The following LPA variants were observed in gnomAD, a reference collection of about 807,000 sequenced individuals.
The protein encoded by LPA is apolipoprotein(a).
In LPA, 199 loss-of-function variants were observed where a neutral mutation model predicts 197.9. The ratio of observed to expected loss-of-function variants is 1.01; its 90% CI spans 0.90 to 1.13. LPA has a LOEUF of 1.13. Among genes scored for constraint, LPA ranks in the 50% most tolerant of loss-of-function variants. LPA has a pLI of 0.00. For missense variants in LPA, 1,853 were observed against 1,785.8 expected, an observed-to-expected ratio of 1.04 and a Z score of -0.68; for synonymous variants, 715 against 639.5, an observed-to-expected ratio of 1.12 and a Z score of -1.78.
At chr6:160,557,331 T>A in intron 29 of LPA, 59 bp downstream of exon 29, 1 of 1,588,060 alleles carries the variant, frequency 6.3e-7, no homozygotes, top group Non-Finnish European at 8.6e-7. Flanking sequence ...CAGTCAGATT[T>A]TCCATCTCTT....
intron 30 of LPA, among the ~76,000 whole-genome samples, chr6:160,552,493 A>G (rs574824849): frequency 1.3e-5 from 2 of 152,326 alleles, no homozygotes; most frequent in South Asian, 2.1e-4. Flanking sequence ...TGGTTTTGAT[A>G]CTATTGTCAG....
At chr6:160,592,990 G>A (rs1414272337) in intron 22 of LPA, among the ~76,000 whole-genome samples, 1 of 151,970 alleles carries the variant, frequency 6.6e-6, no homozygotes, top group African/African-American at 2.4e-5. Flanking sequence ...TTCTTTCTTT[G>A]TGAAAACTCT....
rs766091375 is a variant in LPA at position 160,537,916 on chromosome 6, G to A, written c.5781C>T (p.Ser1927=). ...TDKVMPACLP[S]PDYMVTARTE... ...TCCTGGCGGTGACCATGTAGTCTGG[G>A]GATGGCAGACAAGCTGGCATTACTT... Residue 1927 remains serine (S), a synonymous_variant, in exon 37 of 39, where the codon TCC becomes TCT. Coordinates refer to ENST00000316300, the MANE Select transcript of LPA (RefSeq NM_005577.4). The A allele has an allele frequency of 6.2e-7, 1 of 1,614,238 alleles. No individual in the cohort carries two copies. The highest frequency in any genetic ancestry group is 1.7e-5 in the Admixed American group (1 of 60,030).
Position 160,605,051 on chromosome 6 carries a change from T to A in LPA, c.2940A>T (p.Pro980=), listed in dbSNP as rs778342323. Residue 980 remains proline (P), a synonymous_variant, in exon 18 of 39, where the codon CCA becomes CCT. Transcript: ENST00000316300. ...HSHSRTPAYY[P]NAGLIKNYCR... ...GGTAAAGAAAATAGACATACGCATT[T>A]GGGTAGTATGCTGGGGTCCGACTAT... The A allele has an allele frequency of 1.2e-6, 2 of 1,613,676 alleles. No individual in the cohort carries two copies. The highest frequency in any genetic ancestry group is 3.3e-5 in the Admixed American group (2 of 60,004).
At chr6:160,578,827 A>G (rs529800733) in intron 26 of LPA, 123 bp from the exon 27 acceptor site, 2 of 1,376,962 alleles carry the variant, frequency 1.5e-6, no homozygotes, top group Non-Finnish European at 2.0e-6. Flanking sequence ...CCATTATACC[A>G]CAATAATATT....
intron 2 of LPA, among the ~76,000 whole-genome samples, chr6:160,646,738 G>A (rs1328212242): frequency 7.1e-6 from 1 of 141,008 alleles, no homozygotes; most frequent in East Asian, 2.1e-4. Flanking sequence ...AACTGGTATG[G>A]GTTTTGACGT....
At chr6:160,546,676 T>C (rs1197582410) in intron 32 of LPA, among the ~76,000 whole-genome samples, 2 of 152,140 alleles carry the variant, frequency 1.3e-5, no homozygotes, top group Non-Finnish European at 2.9e-5. Flanking sequence ...TGTCTCCAGA[T>C]AGAGTGTCAG....
chr6:160,601,007 T>A lies in LPA; in HGVS notation c.3037A>T (p.Asn1013Tyr). The A allele has an allele frequency of 6.2e-7, 1 of 1,613,890 alleles. No homozygotes were observed. The highest frequency in any genetic ancestry group is 1.1e-5 in the South Asian group (1 of 91,082). Residue 1013 changes from asparagine (N) to tyrosine (Y), a missense_variant, in exon 19 of 39, where the codon AAC (asparagine) becomes TAC (tyrosine). Transcript: ENST00000316300. ...TCTGCATCTGAGCATCGTGTCAGGT[T>A]GCAGTACTCCCACCTGACACTGGGA... The part of the protein sequence containing the change: ...TDPSVRWEYC[N>Y]LTRCSDAEWT...
intron 20 of LPA, among the ~76,000 whole-genome samples, chr6:160,599,096 C>A (rs1225428704): frequency 1.3e-5 from 2 of 152,190 alleles, no homozygotes; most frequent in Non-Finnish European, 2.9e-5. Context: ...GTAATCCCAG[C>A]ACTTTGGGAG....
In LPA at chr6:160,605,053, G is replaced by T; in HGVS notation, c.2938C>A (p.Pro980Thr). 2 of 1,613,682 alleles carry T rather than the reference G, an allele frequency of 1.2e-6. No homozygotes were observed. Among genetic ancestry groups the T allele is most frequent in the East Asian group, 4.5e-5 (2 of 44,868 alleles). ...HSHSRTPAYY[P>T]NAGLIKNYCR... ...TAAAGAAAATAGACATACGCATTTGGGTAGTATGCTGGGGTCCGACTATGC... is the reference window on the plus strand; with the variant it reads ...TAAAGAAAATAGACATACGCATTTGTGTAGTATGCTGGGGTCCGACTATGC... The change falls in exon 18 of 39, where the codon CCA (proline) becomes ACA (threonine). Residue 980 changes from proline (P) to threonine (T), a missense_variant. Physicochemically the swap from Pro to Thr is conservative, Grantham distance 38. Transcript: ENST00000316300.
chr6:160,600,931 GC>G lies in LPA; in HGVS notation c.3112del (p.Ala1038LeufsTer7), dbSNP rs1348202056. 1 of 1,612,474 alleles carries G rather than the reference GC, an allele frequency of 6.2e-7. No homozygotes were observed. Among genetic ancestry groups the G allele is most frequent in the Non-Finnish European group, 8.5e-7 (1 of 1,179,960 alleles). On this transcript the variant is annotated frameshift_variant, in exon 19 of 39. Transcript: ENST00000316300. LOFTEE classifies it high-confidence loss of function. ...CAACTTCTTACCTTGTTCAAAAAAAGCCTCTAGGCTTGGAGCCAGAATAACA... is the reference window on the plus strand; with the variant it reads ...CAACTTCTTACCTTGTTCAAAAAAAGCTCTAGGCTTGGAGCCAGAATAACA... Reference protein sequence around the residue: ...PNVILAPSLEAFFEQALTEET... With the variant: ...PNVILAPSLEXFFEQALTEET...
At chr6:160,646,890 G>A (rs1239884202) in intron 2 of LPA, among the ~76,000 whole-genome samples, 2 of 151,486 alleles carry the variant, frequency 1.3e-5, no homozygotes, top group East Asian at 1.9e-4. Context: ...CATCAAGGAG[G>A]ATAACCTTTC....
intron 16 of LPA, 23 bp from the exon 17 acceptor site, chr6:160,606,681 C>G (rs377473848): frequency 6.2e-7 from 1 of 1,613,570 alleles, no homozygotes; most frequent in South Asian, 1.1e-5. Flanking sequence ...AAACGATACA[C>G]GTCACAAGAG....
chr6:160,661,884 GT>G (rs1308497815), intron 1 of LPA, among the ~76,000 whole-genome samples: 1 of 152,176 alleles, frequency 6.6e-6, no homozygotes, highest in Non-Finnish European at 1.5e-5. Context: ...CCTACAGTGA[GT>G]TCAGTTAAAC....
chr6:160,552,903 T>C (rs1778189235), intron 30 of LPA, among the ~76,000 whole-genome samples: 2 of 152,206 alleles, frequency 1.3e-5, no homozygotes, highest in South Asian at 4.1e-4. Context: ...CCATATCTTT[T>C]ATATTCTTTA....
intron 16 of LPA, among the ~76,000 whole-genome samples, chr6:160,608,445 T>G (rs1464709231): frequency 6.6e-6 from 1 of 152,156 alleles, no homozygotes; most frequent in East Asian, 1.9e-4. Flanking sequence ...TTGACGAGAA[T>G]GCATTAGCAA....
intron 28 of LPA, among the ~76,000 whole-genome samples, 175 bp downstream of exon 28, chr6:160,576,961 G>A (rs887037047): frequency 3.3e-5 from 5 of 151,898 alleles, no homozygotes; most frequent in African/African-American, 1.2e-4. Context: ...AAAATAGCAG[G>A]CCTAAAATTT....
intron 35 of LPA, 26 bp downstream of exon 35, chr6:160,541,081 C>T (rs546015150): frequency 2.5e-6 from 4 of 1,604,622 alleles, no homozygotes; most frequent in Middle Eastern, 3.3e-4. Flanking sequence ...AGATAAGACC[C>T]CATGTCAGTT....
At chr6:160,560,246 A>G (rs927180858) in intron 28 of LPA, among the ~76,000 whole-genome samples, 14 of 152,206 alleles carry the variant, frequency 9.2e-5, no homozygotes, top group African/African-American at 3.4e-4. Flanking sequence ...GCTACAATAA[A>G]CATACGTGTG....
Sources: allele counts gnomAD v4.1 joint callset (sites outside exome capture counted in the v4.1 genomes callset), GRCh38; gene constraint gnomAD v4.1.1; transcripts MANE v1.5; gene names NCBI Gene and HGNC (gene_info 2026-07-23, HGNC 2026-07-21).